The following TRPM3 variants were observed in gnomAD, a reference collection of about 807,000 sequenced individuals.
The protein encoded by TRPM3 is transient receptor potential cation channel subfamily M member 3, also known as long transient receptor potential channel 3.
Under a neutral mutation model 181.2 loss-of-function variants are expected in TRPM3, and 77 were observed. The observed-to-expected ratio is 0.42, with a 90% CI of 0.35 to 0.51. TRPM3 has a LOEUF of 0.51. Ranked by LOEUF, TRPM3 falls within the 20% of genes least tolerant of loss-of-function variation. The pLI is 0.01. For synonymous variants in TRPM3, 745 were observed against 796.4 expected (o/e 0.94, Z 1.09); for missense variants, 1,759 against 2,196.7 (o/e 0.80, Z 3.98).
At chr9:70,992,153 C>T (rs574957236) in intron 1 of TRPM3, among the ~76,000 whole-genome samples, 1 of 152,260 alleles carries the variant, frequency 6.6e-6, no homozygotes, top group South Asian at 2.1e-4. Flanking sequence ...CTCCTTGTAC[C>T]ACTTGTGCTA....
chr9:71,333,817 G>A (rs770529186), intron 1 of TRPM3, among the ~76,000 whole-genome samples: 9 of 151,992 alleles, frequency 5.9e-5, no homozygotes, highest in South Asian at 2.1e-4. Flanking sequence ...AATGTGAACC[G>A]ATTTTCTAAA....
chr9:71,013,467 T>C (rs1042747853), intron 1 of TRPM3, among the ~76,000 whole-genome samples: 4 of 151,782 alleles, frequency 2.6e-5, no homozygotes, highest in Non-Finnish European at 5.9e-5. Context: ...GCTTTTGGGT[T>C]TTTTTTTGTA....
At chr9:71,023,492 A>G (rs1157581128) in intron 1 of TRPM3, among the ~76,000 whole-genome samples, 5 of 152,178 alleles carry the variant, frequency 3.3e-5, no homozygotes, top group Admixed American at 6.5e-5. Context: ...TCCTTATCCT[A>G]GAGAAATGAA....
At chr9:70,817,132 T>A (rs539051467) in intron 6 of TRPM3, among the ~76,000 whole-genome samples, 3 of 152,306 alleles carry the variant, frequency 2.0e-5, no homozygotes, top group African/African-American at 7.2e-5. Context: ...TTCATACTGA[T>A]AGGATTTTAG....
At chr9:71,064,172 C>T (rs2061639674) in intron 1 of TRPM3, among the ~76,000 whole-genome samples, 1 of 152,020 alleles carries the variant, frequency 6.6e-6, no homozygotes, top group Admixed American at 6.6e-5. Context: ...TCGGTAAATC[C>T]TTTTACCTGG....
chr9:70,964,552 G>A (rs1483665251), intron 1 of TRPM3, among the ~76,000 whole-genome samples: 3 of 152,038 alleles, frequency 2.0e-5, no homozygotes, highest in Non-Finnish European at 4.4e-5. Flanking sequence ...TCTGTCAAAA[G>A]GCCAGGAAGA....
intron 8 of TRPM3, among the ~76,000 whole-genome samples, chr9:70,745,688 C>T (rs1361715032): frequency 6.6e-6 from 1 of 152,172 alleles, no homozygotes. Flanking sequence ...CTTGATTCCT[C>T]TTATGACTAT....
At chr9:70,646,123 T>C (rs968792368) in intron 9 of TRPM3, among the ~76,000 whole-genome samples, 1 of 152,110 alleles carries the variant, frequency 6.6e-6, no homozygotes, top group Non-Finnish European at 1.5e-5. Context: ...TTTTTCACTG[T>C]TGGGAGTGTA....
At chr9:71,327,981 G>A (rs184741460) in intron 1 of TRPM3, among the ~76,000 whole-genome samples, 48 of 151,930 alleles carry the variant, frequency 3.2e-4, no homozygotes, top group East Asian at 2.3e-3. Context: ...GGGTTCATTT[G>A]GGAGATGAAC....
chr9:70,618,229 A>T (rs923494143), intron 17 of TRPM3, among the ~76,000 whole-genome samples: 56 of 152,250 alleles, frequency 3.7e-4, no homozygotes, highest in African/African-American at 1.3e-3. Flanking sequence ...CCTCAAAGGT[A>T]ACCACTGCGG....
Position 70,588,596 on chromosome 9 carries a change from C to T in TRPM3, c.3223+2435G>A, listed in dbSNP as rs140872125. Among the ~76,000 whole-genome samples the T allele has an allele frequency of 3.7e-4, 56 of 152,308 alleles. No individual in the cohort carries two copies. In the East Asian group the frequency reaches 8.5e-3, roughly 23 times the overall value. The stretch of plus-strand genomic sequence containing the variant: ...TACACCCACAGGATGGGACTGGAGA[C>T]CCTGGGAAGGGCTGTGGGTCCAGGC... On this transcript the variant is annotated intron_variant, in intron 22 of 25. Coordinates refer to ENST00000677713, the MANE Select transcript of TRPM3 (RefSeq NM_001366145.2).
At chr9:71,219,344 A>G (rs561950533) in intron 1 of TRPM3, among the ~76,000 whole-genome samples, 1 of 152,354 alleles carries the variant, frequency 6.6e-6, no homozygotes, top group Admixed American at 6.5e-5. Context: ...AATAGTACAC[A>G]TATTCCTGAA....
intron 1 of TRPM3, among the ~76,000 whole-genome samples, chr9:71,093,767 A>T (rs1305947470): frequency 6.6e-6 from 1 of 152,122 alleles, no homozygotes; most frequent in African/African-American, 2.4e-5. Context: ...AAATCATTCT[A>T]CTATGAAGAC....
At chr9:71,439,348 T>C (rs546063450) in intron 1 of TRPM3, among the ~76,000 whole-genome samples, 1 of 152,354 alleles carries the variant, frequency 6.6e-6, no homozygotes, top group South Asian at 2.1e-4. Flanking sequence ...CACCAATATT[T>C]AGATAACTGT....
At chr9:71,140,686 G>A (rs1888075) in intron 1 of TRPM3, among the ~76,000 whole-genome samples, 81,797 of 151,842 alleles carry the variant, frequency 0.54, 25,337 homozygotes, top group East Asian at 0.72. Context: ...AACATTTATT[G>A]AGCTTTTGCT....
intron 7 of TRPM3, among the ~76,000 whole-genome samples, chr9:70,770,099 A>T (rs886223601): frequency 2.1e-5 from 3 of 143,404 alleles, no homozygotes; most frequent in African/African-American, 7.3e-5. Flanking sequence ...CTTGTTGTTT[A>T]AACTCAAAGG....
chr9:70,678,391 C>G (rs1006741823), intron 9 of TRPM3, among the ~76,000 whole-genome samples: 2 of 152,160 alleles, frequency 1.3e-5, no homozygotes, highest in African/African-American at 4.8e-5. Context: ...CCTCAACCTC[C>G]CAAAGTGTTG....
At chr9:71,361,052 C>T (rs7026608) in intron 1 of TRPM3, among the ~76,000 whole-genome samples, 71,266 of 151,936 alleles carry the variant, frequency 0.47, 16,952 homozygotes, top group African/African-American at 0.53. Context: ...AGTGGCACAA[C>T]CTCAGCTCAC....
intron 1 of TRPM3, among the ~76,000 whole-genome samples, chr9:71,128,527 A>T (rs981635593): frequency 6.6e-6 from 1 of 152,164 alleles, no homozygotes; most frequent in Non-Finnish European, 1.5e-5. Flanking sequence ...CACTCTTCTA[A>T]TATTTGCAAT....
Sources: gnomAD v4.1 joint callset for allele counts (sites outside exome capture counted in the v4.1 genomes callset) on GRCh38, gnomAD v4.1.1 for gene constraint, MANE v1.5 for transcripts, NCBI Gene and HGNC (gene_info 2026-07-23, HGNC 2026-07-21) for gene names.